RNF19A: variants seen among roughly 807,000 people sequenced by gnomAD.
RNF19A encodes E3 ubiquitin-protein ligase RNF19A.
Under a neutral mutation model 75.7 loss-of-function variants are expected in RNF19A, and 32 were observed. The ratio of observed to expected loss-of-function variants is 0.42; its 90% CI spans 0.32 to 0.57. The LOEUF is 0.57. RNF19A is among the 20% of genes least tolerant of loss of function. The pLI, the probability that RNF19A is intolerant of heterozygous loss-of-function variation, is 0.10. For synonymous variants in RNF19A, 335 were observed against 345.2 expected (o/e 0.97, Z 0.33); for missense variants, 782 against 1,036.3 (o/e 0.75, Z 3.37).
chr8:100,318,258 CT>C (rs1198307589), intron 1 of RNF19A, among the ~76,000 whole-genome samples: 1 of 152,140 alleles, frequency 6.6e-6, no homozygotes, highest in Non-Finnish European at 1.5e-5. Flanking sequence ...CAGTATTTCC[CT>C]TGGCTGTGAG....
At chr8:100,302,929 G>A (rs572218051) in intron 1 of RNF19A, among the ~76,000 whole-genome samples, 13 of 152,148 alleles carry the variant, frequency 8.5e-5, no homozygotes, top group Non-Finnish European at 1.5e-4. Flanking sequence ...AGATATAATC[G>A]ATTCCTGTTG....
At chr8:100,309,992 C>A (rs1043014409), upstream of RNF19A, 5 of 985,656 alleles carry the variant, frequency 5.1e-6, no homozygotes, top group South Asian at 1.9e-4. Flanking sequence ...CGCCTCTCAA[C>A]CGGGGCGGAG....
chr8:100,313,258 G>A, upstream of RNF19A: 2 of 925,332 alleles, frequency 2.2e-6, no homozygotes, highest in Non-Finnish European at 2.6e-6. Flanking sequence ...GAGGAATAAA[G>A]AAGGAAAAAT....
In RNF19A at chr8:100,260,877, T is replaced by C. The variant is rs1220522253; in HGVS notation, c.1682+665A>G. Among the ~76,000 whole-genome samples the C allele has an allele frequency of 6.6e-6, 1 of 152,202 alleles. No individual in the cohort carries two copies. Among genetic ancestry groups the C allele is most frequent in the African/African-American group, 2.4e-5 (1 of 41,456 alleles). ...ATCCCGGTCCCAGTTCACACATTCC[T>C]GGATGTCCTGACTCCACCTGTTTCC... On this transcript the variant is annotated intron_variant, in intron 8 of 9. Transcript: ENST00000341084. This position sits in a 1 kb window ranked among gnomAD's most constrained non-coding sequence, Gnocchi z 4.1.
rs747613113 is a variant in RNF19A, at chr8:100,258,948, C to A, written c.2125G>T (p.Glu709Ter). 1.9e-6 allele frequency: 3 copies of A among 1,614,120 alleles called. No individual in the cohort carries two copies. Among genetic ancestry groups the A allele is most frequent in the Non-Finnish European group, 2.5e-6 (3 of 1,180,060 alleles). ...EQQSTNSSEF[E>*]APSLSDSMPS... ...ATACTGTCACTGAGGGATGGAGCCT[C>A]AAATTCACTTGAGTTCGTGCTTTGT... The change falls in exon 10 of 10, where the codon GAG becomes TAG. Residue 709 changes from glutamate to a stop codon, truncating the protein, a stop_gained. Coordinates refer to ENST00000341084, the MANE Select transcript of RNF19A (RefSeq NM_183419.4). LOFTEE classifies it high-confidence loss of function. The surrounding 1 kb of genome is among the most constrained non-coding windows in gnomAD (Gnocchi z 4.3).
intron 5 of RNF19A, among the ~76,000 whole-genome samples, chr8:100,266,603 C>T (rs1426643416): frequency 2.0e-5 from 3 of 152,150 alleles, no homozygotes; most frequent in East Asian, 1.9e-4. Context: ...CTCAACCTCA[C>T]GGGCTCAATC....
At chr8:100,316,828 G>T (rs1357198790) in intron 1 of RNF19A, among the ~76,000 whole-genome samples, 2 of 152,150 alleles carry the variant, frequency 1.3e-5, no homozygotes, top group African/African-American at 4.8e-5. Context: ...GCAGGGGGTG[G>T]TGCTCCTGGG....
rs1178368279 is a variant in RNF19A, at chr8:100,331,036, C to G, written c.-243+5072G>C. Among the ~76,000 whole-genome samples the G allele has an allele frequency of 6.6e-6, 1 of 152,210 alleles. No homozygotes were observed. Among genetic ancestry groups the G allele is most frequent in the African/African-American group, 2.4e-5 (1 of 41,458 alleles). On this transcript the variant is annotated intron_variant, in intron 1 of 3. Transcript: ENST00000519527. The surrounding 1 kb of genome is among the most constrained non-coding windows in gnomAD (Gnocchi z 5.2). The stretch of plus-strand genomic sequence containing the variant: ...TCCTTTCACATTGATACGTCCATTT[C>G]TATCTATGGCTCCTCCACTTTTCTA...
rs1819567580 is a variant in RNF19A at position 100,258,731 on chromosome 8, G to T, written c.2342C>A (p.Thr781Asn). 6.2e-7 allele frequency: 1 copy of T among 1,614,050 alleles called. No homozygotes were observed. The highest frequency in any genetic ancestry group is 1.7e-5 in the Admixed American group (1 of 60,000). Residue 781 changes from threonine (T) to asparagine (N), a missense_variant, in exon 10 of 10, where the codon ACC (threonine) becomes AAC (asparagine). Around this residue, in one of 7 missense-constraint regions of RNF19A, gnomAD observed 442 missense variants for 541.6 expected, o/e 0.82. Coordinates refer to ENST00000341084, the MANE Select transcript of RNF19A (RefSeq NM_183419.4). This position sits in a 1 kb window ranked among gnomAD's most constrained non-coding sequence, Gnocchi z 4.3. The stretch of plus-strand genomic sequence containing the variant: ...AACTTCTGAACAGGAAGCAGTTTGG[G>T]TAACCACAGAAATGCTACACTGATG... ...SPHQCSISVV[T>N]QTASCSEVSQ... is the part of the protein sequence containing the mutation.
intron 1 of RNF19A, among the ~76,000 whole-genome samples, chr8:100,296,714 A>G (rs1821581692): frequency 6.6e-6 from 1 of 152,224 alleles, no homozygotes; most frequent in Non-Finnish European, 1.5e-5. Context: ...AGTAAAAGTT[A>G]ACAGTTTCTG....
Position 100,292,435 on chromosome 8 carries a change from GGTGTGTGTGT to G in RNF19A, c.-93-4178_-93-4169del, listed in dbSNP as rs1554671903. Among the ~76,000 whole-genome samples, 6 of 145,332 alleles carry G rather than the reference GGTGTGTGTGT, an allele frequency of 4.1e-5. No individual in the cohort carries two copies. The East Asian group carries it at 8.1e-4, about 20-fold the overall frequency. On this transcript the variant is annotated intron_variant, in intron 1 of 9. Transcript: ENST00000341084. ...TAATAAAGAGGCTTGCTATCATATG[GGTGTGTGTGT>G]GTGTGTGTGTGTGTGTGTGTGTGTA...
chr8:100,261,055 T>C lies in RNF19A; in HGVS notation c.1682+487A>G, dbSNP rs914077023. On this transcript the variant is annotated intron_variant, in intron 8 of 9. Coordinates refer to ENST00000341084, the MANE Select transcript of RNF19A (RefSeq NM_183419.4). The surrounding 1 kb of genome is among the most constrained non-coding windows in gnomAD (Gnocchi z 4.4). ...AAATGTGACAAGGACAGTGAAAAAA[T>C]TGGCAGAATGTTATTCCTTAGACTT... Among the ~76,000 whole-genome samples the C allele has an allele frequency of 6.6e-6, 1 of 152,082 alleles. No individual in the cohort carries two copies. The highest frequency in any genetic ancestry group is 1.5e-5 in the Non-Finnish European group (1 of 68,010).
intron 1 of RNF19A, among the ~76,000 whole-genome samples, chr8:100,302,032 G>A (rs984735935): frequency 6.6e-6 from 1 of 152,200 alleles, no homozygotes; most frequent in Non-Finnish European, 1.5e-5. Flanking sequence ...CCCTAATATG[G>A]CTGAAAATTA....
chr8:100,306,904 C>T (rs1455795376), intron 1 of RNF19A, among the ~76,000 whole-genome samples: 1 of 152,164 alleles, frequency 6.6e-6, no homozygotes, highest in Admixed American at 6.5e-5. Flanking sequence ...TAGCTATTCT[C>T]CGTAAGTAGT....
Position 100,258,657 on chromosome 8 carries a change from G to A in RNF19A, c.2416C>T (p.Pro806Ser). The part of the protein sequence containing the change: ...AEEHGNNGIK[P>S]NVDLYFGDAL... Reference sequence around the variant, plus strand: ...TCGCCAAAATATAAATCAACATTAGGTTTTATTCCATTGTTACCATGTTCT... The same window carrying A: ...TCGCCAAAATATAAATCAACATTAGATTTTATTCCATTGTTACCATGTTCT... The change falls in exon 10 of 10, where the codon CCT (proline) becomes TCT (serine). Residue 806 changes from proline (P) to serine (S), a missense_variant. Transcript: ENST00000341084. This position sits in a 1 kb window ranked among gnomAD's most constrained non-coding sequence, Gnocchi z 4.3. 6.2e-7 allele frequency: 1 copy of A among 1,613,992 alleles called. No homozygotes were observed.
upstream of RNF19A, chr8:100,310,428 A>C (rs1415308946): frequency 1.0e-5 from 2 of 193,808 alleles, no homozygotes; most frequent in African/African-American, 2.4e-5. Flanking sequence ...CGTCTCCTCC[A>C]AGGACAGGTC....
rs1230320522 is a variant in RNF19A at position 100,275,751 on chromosome 8, C to T, written c.675-590G>A. ...ATGTTTATACATTTCTGATTTTCTA[C>T]AATTACTTGTTGAAGTGGAAAAAGT... On this transcript the variant is annotated intron_variant, in intron 2 of 9. Transcript: ENST00000341084. The surrounding 1 kb of genome is among the most constrained non-coding windows in gnomAD (Gnocchi z 4.3). Among the ~76,000 whole-genome samples, 1 of 151,976 alleles carries T rather than the reference C, an allele frequency of 6.6e-6. No homozygotes were observed. The highest frequency in any genetic ancestry group is 1.5e-5 in the Non-Finnish European group (1 of 67,990).
intron 1 of RNF19A, chr8:100,309,334 G>A (rs1822194863): frequency 2.0e-6 from 2 of 985,836 alleles, no homozygotes; most frequent in South Asian, 4.7e-5. Context: ...TAAGGCCCCA[G>A]GCAGCACGGC....
At chr8:100,267,624 C>T (rs560880088) in intron 5 of RNF19A, among the ~76,000 whole-genome samples, 1 of 152,016 alleles carries the variant, frequency 6.6e-6, no homozygotes, top group Non-Finnish European at 1.5e-5. Flanking sequence ...TCTGCCTCAG[C>T]CTCCCAAAGT....
Sources: allele counts gnomAD v4.1 joint callset (sites outside exome capture counted in the v4.1 genomes callset), GRCh38; gene constraint gnomAD v4.1.1; regional missense constraint gnomAD v4.1.1; non-coding constraint Gnocchi (gnomAD v3.1); transcripts MANE v1.5; gene names NCBI Gene and HGNC (gene_info 2026-07-23, HGNC 2026-07-21).